Variants in MAPK4 observed in about 807,000 individuals in gnomAD.
MAPK4 encodes mitogen-activated protein kinase 4.
MAPK4 carries 22 observed loss-of-function variants against 47.7 expected under a neutral mutation model. The ratio of observed to expected loss-of-function variants is 0.46; its 90% CI spans 0.33 to 0.66. MAPK4 has a LOEUF of 0.66. MAPK4 is among the 30% of genes least tolerant of loss of function. MAPK4 has a pLI of 0.02. For synonymous variants in MAPK4, 390 were observed against 365.7 expected (o/e 1.07, Z -0.76); for missense variants, 736 against 831.7 (o/e 0.88, Z 1.42).
intron 1 of MAPK4, among the ~76,000 whole-genome samples, chr18:50,588,175 G>A (rs1968989017): frequency 6.6e-6 from 1 of 152,136 alleles, no homozygotes; most frequent in African/African-American, 2.4e-5. Context: ...TGTAATTTGG[G>A]CAGTGCTGGG....
At chr18:50,666,958 CAGAG>C (rs970645257) in intron 2 of MAPK4, among the ~76,000 whole-genome samples, 9 of 152,188 alleles carry the variant, frequency 5.9e-5, no homozygotes, top group Admixed American at 5.2e-4. Context: ...CATTTTAAAA[CAGAG>C]AGAAACGGCT....
In MAPK4 at chr18:50,682,824, G is replaced by T. The variant is rs527636597; in HGVS notation, c.546+18320G>T. Among the ~76,000 whole-genome samples, 21 of 152,280 alleles carry T rather than the reference G, an allele frequency of 1.4e-4. No individual in the cohort carries two copies. The South Asian group carries it at 4.4e-3, about 32-fold the overall frequency. On this transcript the variant is annotated intron_variant, in intron 2 of 5. Coordinates refer to ENST00000400384, the MANE Select transcript of MAPK4 (RefSeq NM_002747.4). ...GCTTTTCCATAACCAAAACCTAAAAGCTACCCAAATGTCCATCAACATTCA... is the reference window on the plus strand; with the variant it reads ...GCTTTTCCATAACCAAAACCTAAAATCTACCCAAATGTCCATCAACATTCA...
chr18:50,655,717 G>A (rs1459221555), intron 1 of MAPK4, among the ~76,000 whole-genome samples: 1 of 152,180 alleles, frequency 6.6e-6, no homozygotes, highest in East Asian at 1.9e-4. Context: ...ACTCGGTGAG[G>A]AAACACCTCT....
rs72919709 is a variant in MAPK4, at chr18:50,620,775, A to G, written c.-870-42314A>G. Among the ~76,000 whole-genome samples, 716 of 152,160 alleles carry G rather than the reference A, an allele frequency of 4.7e-3. 2 individuals are homozygous for G. The highest frequency in any genetic ancestry group is 7.6e-3 in the Non-Finnish European group (514 of 68,000). On this transcript the variant is annotated intron_variant, in intron 1 of 5. Coordinates refer to ENST00000400384, the MANE Select transcript of MAPK4 (RefSeq NM_002747.4). ...AAAATATATATATATAGCATAAAGA[A>G]CATTATAAAAACATTAAAATAAACT...
At chr18:50,560,773 G>A (rs1364956048) in intron 1 of MAPK4, 3 of 152,544 alleles carry the variant, frequency 2.0e-5, no homozygotes, top group South Asian at 2.1e-4. Context: ...GGTAGCCCCT[G>A]GGAGAGGGGG....
chr18:50,658,592 A>G (rs1273740689), intron 1 of MAPK4, among the ~76,000 whole-genome samples: 7 of 152,242 alleles, frequency 4.6e-5, no homozygotes, highest in Admixed American at 2.6e-4. Flanking sequence ...CCTCTTTACC[A>G]TCTCTCCAGC....
chr18:50,676,113 T>C (rs1026010545), intron 2 of MAPK4, among the ~76,000 whole-genome samples: 5 of 152,222 alleles, frequency 3.3e-5, no homozygotes, highest in African/African-American at 1.2e-4. Context: ...CTATTTTACA[T>C]GAATATGGTT....
At chr18:50,579,679 T>C (rs985395096) in intron 1 of MAPK4, among the ~76,000 whole-genome samples, 31 of 152,152 alleles carry the variant, frequency 2.0e-4, no homozygotes, top group Non-Finnish European at 1.5e-5. Context: ...CCCCTTCAAT[T>C]TGGGGGCTTA....
intron 3 of MAPK4, 59 bp from the exon 4 acceptor site, chr18:50,721,879 C>G: frequency 1.9e-6 from 3 of 1,578,910 alleles, no homozygotes; most frequent in Non-Finnish European, 2.6e-6. Flanking sequence ...TGCTTTTGGG[C>G]TACTGCACAC....
intron 1 of MAPK4, among the ~76,000 whole-genome samples, chr18:50,626,114 G>A (rs891247519): frequency 2.0e-5 from 3 of 152,070 alleles, no homozygotes; most frequent in African/African-American, 4.8e-5. Flanking sequence ...TTCTATTAAG[G>A]CCTTCTACTG....
At chr18:50,698,297 A>G (rs1485632380) in intron 2 of MAPK4, among the ~76,000 whole-genome samples, 2 of 152,258 alleles carry the variant, frequency 1.3e-5, no homozygotes, top group African/African-American at 4.8e-5. Context: ...CAGAGACTCA[A>G]AACTATGGCA....
chr18:50,731,767 T>G lies in MAPK4; in HGVS notation c.*1913T>G, dbSNP rs561158658. On this transcript the variant is annotated 3_prime_UTR_variant, in exon 6 of 6. Transcript: ENST00000400384. ...ATAACTACTAATGTTTTTAAAAAAT[T>G]TATTAAACATTATTAAACTTGATCA... is the stretch of plus-strand genomic sequence containing the variant. 3.3e-5 allele frequency: 5 copies of G among 152,322 alleles called. No homozygotes were observed. 9.4% of individuals were successfully genotyped at this position (152,322 alleles called of 1,614,324 possible). A position where few individuals can be genotyped will look rare whatever the true frequency, so the allele number is the denominator to read the frequency against.
At chr18:50,605,410 C>T (rs1409987442) in intron 1 of MAPK4, among the ~76,000 whole-genome samples, 4 of 152,142 alleles carry the variant, frequency 2.6e-5, no homozygotes, top group Non-Finnish European at 4.4e-5. Context: ...TGGAAGGGAT[C>T]TTGAGGAAAC....
chr18:50,653,666 A>C (rs1036903853), intron 1 of MAPK4, among the ~76,000 whole-genome samples: 1 of 152,228 alleles, frequency 6.6e-6, no homozygotes, highest in East Asian at 1.9e-4. Context: ...CCTGCAGGGC[A>C]CCTACTGTGC....
At chr18:50,620,866 C>T (rs2042725883) in intron 1 of MAPK4, among the ~76,000 whole-genome samples, 1 of 152,162 alleles carries the variant, frequency 6.6e-6, no homozygotes, top group South Asian at 2.1e-4. Flanking sequence ...ACTTTCCCTT[C>T]CATGTTTGGA....
At chr18:50,628,151 T>G (rs1049437977) in intron 1 of MAPK4, among the ~76,000 whole-genome samples, 4 of 152,152 alleles carry the variant, frequency 2.6e-5, no homozygotes, top group Non-Finnish European at 2.9e-5. Context: ...TGCAGCTAGT[T>G]CAGCTAATTG....
intron 1 of MAPK4, among the ~76,000 whole-genome samples, chr18:50,661,712 G>A (rs1433827639): frequency 1.3e-5 from 2 of 152,174 alleles, no homozygotes; most frequent in Non-Finnish European, 2.9e-5. Context: ...GGTGAGGAGG[G>A]CAGTACCATC....
chr18:50,599,907 ATATGT>A (rs1568040154), intron 1 of MAPK4, among the ~76,000 whole-genome samples: 1 of 152,168 alleles, frequency 6.6e-6, no homozygotes, highest in Non-Finnish European at 1.5e-5. Context: ...ATTTTAATCT[ATATGT>A]TATATTACAA....
chr18:50,631,974 GAA>G (rs1168344523), intron 1 of MAPK4, among the ~76,000 whole-genome samples: 2 of 152,188 alleles, frequency 1.3e-5, no homozygotes, highest in African/African-American at 4.8e-5. Flanking sequence ...AGTGAACTTG[GAA>G]AGTGCCATGT....
Sources: gnomAD v4.1 joint callset for allele counts (sites outside exome capture counted in the v4.1 genomes callset) on GRCh38, gnomAD v4.1.1 for gene constraint, MANE v1.5 for transcripts, NCBI Gene and HGNC (gene_info 2026-07-23, HGNC 2026-07-21) for gene names.